Variants in BAZ2B observed in about 807,000 individuals in gnomAD.
BAZ2B encodes bromodomain adjacent to zinc finger domain 2B, also known as bromodomain adjacent to zinc finger domain protein 2B.
Under a neutral mutation model 246.0 loss-of-function variants are expected in BAZ2B, and 91 were observed. That is an observed-to-expected ratio of 0.37 (90% CI 0.31 to 0.44). BAZ2B has a LOEUF of 0.44. Among genes scored for constraint, BAZ2B ranks in the 20% least tolerant of loss-of-function variants. The pLI is 1.00. For missense variants in BAZ2B, 2,332 were observed against 2,533.7 expected, an observed-to-expected ratio of 0.92 and a Z score of 1.71; for synonymous variants, 855 against 860.0, an observed-to-expected ratio of 0.99 and a Z score of 0.10.
intron 27 of BAZ2B, among the ~76,000 whole-genome samples, chr2:159,354,269 A>C (rs2058848466): frequency 6.6e-6 from 1 of 152,176 alleles, no homozygotes; most frequent in Non-Finnish European, 1.5e-5. Flanking sequence ...TATTGAGCTG[A>C]TGGTAATTTC....
intron 2 of BAZ2B, among the ~76,000 whole-genome samples, chr2:159,507,155 G>A (rs2082417020): frequency 6.6e-6 from 1 of 152,116 alleles, no homozygotes; most frequent in Non-Finnish European, 1.5e-5. Flanking sequence ...TGCTTAGATG[G>A]TCGTCAAAGA....
chr2:159,554,056 T>C (rs879619219), intron 2 of BAZ2B, among the ~76,000 whole-genome samples: 37 of 152,190 alleles, frequency 2.4e-4, no homozygotes, highest in Non-Finnish European at 3.8e-4. Context: ...AACAGTGTCA[T>C]AACAAACTTA....
At position 159,432,875 on chromosome 2, in the gene BAZ2B, T is replaced by C. The variant is rs766901905; in HGVS notation, c.1782A>G (p.Thr594=). The C allele has an allele frequency of 1.2e-6, 2 of 1,614,208 alleles. No homozygotes were observed. Among genetic ancestry groups the C allele is most frequent in the South Asian group, 2.2e-5 (2 of 91,086 alleles). Residue 594 remains threonine (T), a synonymous_variant, in exon 9 of 37, where the codon ACA becomes ACG. Coordinates refer to ENST00000392783, the MANE Select transcript of BAZ2B (RefSeq NM_013450.4). ...AKSLVEQFRG[T]DSDIPSSKDS... ...CTTTACTACTGGGAATGTCTGAATCTGTTCCTCTGAATTGTTCCACTAAAG... is the reference window on the plus strand; with the variant it reads ...CTTTACTACTGGGAATGTCTGAATCCGTTCCTCTGAATTGTTCCACTAAAG...
the BAZ2B span, among the ~76,000 whole-genome samples, chr2:159,640,433 T>C: frequency 0.011 from 1,745 of 152,134 alleles, 39 homozygotes; most frequent in African/African-American, 0.039. Flanking sequence ...TTCTCAAGGA[T>C]AGACCATAAA....
intron 17 of BAZ2B, among the ~76,000 whole-genome samples, 192 bp downstream of exon 17, chr2:159,400,407 A>G (rs989370178): frequency 1.3e-5 from 2 of 152,160 alleles, no homozygotes; most frequent in African/African-American, 2.4e-5. Flanking sequence ...CTCATTTTGT[A>G]TATCTTTACT....
At chr2:159,479,543 A>G (rs2150937449) in intron 2 of BAZ2B, among the ~76,000 whole-genome samples, 1 of 152,312 alleles carries the variant, frequency 6.6e-6, no homozygotes, top group South Asian at 2.1e-4. Flanking sequence ...GCTTGCCTAT[A>G]AATGAATTTA....
intron 14 of BAZ2B, among the ~76,000 whole-genome samples, chr2:159,406,443 T>C (rs1408142977): frequency 6.6e-6 from 1 of 152,188 alleles, no homozygotes; most frequent in Non-Finnish European, 1.5e-5. Context: ...GGTTTGGTGG[T>C]TGTTACCAAG....
chr2:159,450,037 G>A (rs1044068959), intron 4 of BAZ2B, among the ~76,000 whole-genome samples: 6 of 152,100 alleles, frequency 3.9e-5, no homozygotes, highest in African/African-American at 1.4e-4. Flanking sequence ...GGGAGGGACT[G>A]AGGTTTCCCA....
upstream of BAZ2B, among the ~76,000 whole-genome samples, chr2:159,617,771 T>G (rs1041493534): frequency 1.3e-5 from 2 of 149,854 alleles, no homozygotes; most frequent in African/African-American, 4.9e-5. Context: ...GCTGCTTCAT[T>G]AGGAAAAAAA....
chr2:159,557,938 G>A (rs547725268), intron 1 of BAZ2B, among the ~76,000 whole-genome samples: 1 of 152,200 alleles, frequency 6.6e-6, no homozygotes, highest in African/African-American at 2.4e-5. Flanking sequence ...AAGCAAGGCA[G>A]GGGGTGATGG....
upstream of BAZ2B, among the ~76,000 whole-genome samples, chr2:159,620,973 G>C (rs1696409387): frequency 6.6e-6 from 1 of 152,166 alleles, no homozygotes; most frequent in Non-Finnish European, 1.5e-5. Context: ...TGATGGTAGA[G>C]ACAGTGGCAT....
intron 2 of BAZ2B, among the ~76,000 whole-genome samples, chr2:159,537,044 T>TAC (rs200776941): frequency 1.3e-5 from 2 of 151,860 alleles, no homozygotes; most frequent in Admixed American, 6.6e-5. Flanking sequence ...AAATATGGCA[T>TAC]ACACACACAC....
At chr2:159,450,625 C>T (rs2074945687) in intron 4 of BAZ2B, among the ~76,000 whole-genome samples, 1 of 151,900 alleles carries the variant, frequency 6.6e-6, no homozygotes, top group Non-Finnish European at 1.5e-5. Context: ...AAAATTTAGT[C>T]ACAAACCAGC....
the BAZ2B span, among the ~76,000 whole-genome samples, chr2:159,691,976 C>T: frequency 3.3e-5 from 5 of 152,132 alleles, no homozygotes; most frequent in African/African-American, 1.2e-4. Flanking sequence ...CATCATTCTG[C>T]TTGCTTACAT....
chr2:159,451,073 A>G (rs547191321), intron 4 of BAZ2B, among the ~76,000 whole-genome samples: 2 of 152,332 alleles, frequency 1.3e-5, no homozygotes, highest in South Asian at 2.1e-4. Context: ...TTCAGAGGAC[A>G]TAACAGATCT....
At chr2:159,416,599 T>G (rs2067763788) in intron 13 of BAZ2B, among the ~76,000 whole-genome samples, 1 of 152,190 alleles carries the variant, frequency 6.6e-6, no homozygotes, top group Non-Finnish European at 1.5e-5. Context: ...GCCAAAATTT[T>G]AAGAGTTCTG....
chr2:159,604,687 A>G (rs1692981051), intron 1 of BAZ2B, among the ~76,000 whole-genome samples: 1 of 152,196 alleles, frequency 6.6e-6, no homozygotes, highest in South Asian at 2.1e-4. Flanking sequence ...CATTCCTTAT[A>G]ATAGAAATTT....
At chr2:159,512,130 C>T (rs1215827385) in intron 2 of BAZ2B, among the ~76,000 whole-genome samples, 1 of 151,982 alleles carries the variant, frequency 6.6e-6, no homozygotes, top group Non-Finnish European at 1.5e-5. Flanking sequence ...GACTCATATC[C>T]TATTTTAATC....
intron 3 of BAZ2B, among the ~76,000 whole-genome samples, chr2:159,457,321 T>C (rs901925603): frequency 1.2e-4 from 19 of 152,220 alleles, no homozygotes; most frequent in African/African-American, 4.6e-4. Context: ...GTATTACAAA[T>C]TGGTACTGTC....
Sources: allele counts gnomAD v4.1 joint callset (sites outside exome capture counted in the v4.1 genomes callset), GRCh38; gene constraint gnomAD v4.1.1; transcripts MANE v1.5; gene names NCBI Gene and HGNC (gene_info 2026-07-23, HGNC 2026-07-21).